ANKRD30B: variants seen among roughly 807,000 people sequenced by gnomAD.
The protein encoded by ANKRD30B is ankyrin repeat domain 30B, also known as ankyrin repeat domain-containing protein 30B.
ANKRD30B carries 144 observed loss-of-function variants against 202.2 expected under a neutral mutation model. The observed-to-expected ratio is 0.71, with a 90% CI of 0.62 to 0.82. The LOEUF is 0.82. ANKRD30B is among the 40% of genes least tolerant of loss of function. The pLI, the probability that ANKRD30B is intolerant of heterozygous loss-of-function variation, is 0.00. For synonymous variants in ANKRD30B, 508 were observed against 561.3 expected, an observed-to-expected ratio of 0.91 and a Z score of 1.34; for missense variants, 1,487 against 1,669.1, an observed-to-expected ratio of 0.89 and a Z score of 1.90.
chr18:14,878,245 G>T, the ANKRD30B span, among the ~76,000 whole-genome samples: 157 of 152,280 alleles, frequency 1.0e-3, no homozygotes, highest in African/African-American at 3.7e-3. Flanking sequence ...TGTGAAACAT[G>T]ACGTCCATAT....
At chr18:14,884,963 T>A in the ANKRD30B span, among the ~76,000 whole-genome samples, 1 of 152,046 alleles carries the variant, frequency 6.6e-6, no homozygotes, top group Non-Finnish European at 1.5e-5. Context: ...ACAACAATGC[T>A]CAAATAGTTA....
At chr18:14,862,438 A>C in the ANKRD30B span, among the ~76,000 whole-genome samples, 5 of 152,216 alleles carry the variant, frequency 3.3e-5, no homozygotes, top group Non-Finnish European at 7.3e-5. Flanking sequence ...CAAATGAGAC[A>C]TTGCAAAGGA....
the ANKRD30B span, among the ~76,000 whole-genome samples, chr18:14,920,663 C>A: frequency 6.6e-6 from 1 of 152,176 alleles, no homozygotes; most frequent in Non-Finnish European, 1.5e-5. Context: ...CAAGGTCCTG[C>A]CTGATCCTAA....
At chr18:14,919,961 T>C in the ANKRD30B span, among the ~76,000 whole-genome samples, 1 of 152,212 alleles carries the variant, frequency 6.6e-6, no homozygotes, top group Admixed American at 6.5e-5. Flanking sequence ...CCCAAGAGGC[T>C]GCTTTCCTGC....
rs562568733 is a variant in ANKRD30B, at chr18:14,788,615, A to C, written c.1734+1515A>C. 1.8e-3 allele frequency among the ~76,000 whole-genome samples: 276 copies of C among 152,032 alleles called. 1 individual carries two copies. Among genetic ancestry groups the C allele is most frequent in the Non-Finnish European group, 2.7e-3 (185 of 67,982 alleles). On this transcript the variant is annotated intron_variant, in intron 15 of 43. Coordinates refer to ENST00000690538, the MANE Select transcript of ANKRD30B (RefSeq NM_001367607.2). ...CATGTCCATGTGTTCTCATTGTTCAATTCCCACCTATGAGTGAGAATATGC... is the reference window on the plus strand; with the variant it reads ...CATGTCCATGTGTTCTCATTGTTCACTTCCCACCTATGAGTGAGAATATGC...
At chr18:14,851,164 C>A (rs1971866868) in intron 41 of ANKRD30B, among the ~76,000 whole-genome samples, 1 of 151,542 alleles carries the variant, frequency 6.6e-6, no homozygotes, top group African/African-American at 2.4e-5. Context: ...AGAGTGTAAA[C>A]CCAATTTTTG....
Position 14,796,364 on chromosome 18 carries a change from T to C in ANKRD30B, c.1876T>C (p.Ser626Pro), listed in dbSNP as rs1406434447. 3 of 1,576,338 alleles carry C rather than the reference T, an allele frequency of 1.9e-6. No homozygotes were observed. Among genetic ancestry groups the C allele is most frequent in the Non-Finnish European group, 1.7e-6 (2 of 1,159,498 alleles). The change falls in exon 18 of 44, where the codon TCT becomes CCT. Residue 626 changes from serine to proline, a missense_variant. Physicochemically the swap from Ser to Pro is moderately conservative, Grantham distance 74 (BLOSUM62 -1). Coordinates refer to ENST00000690538, the MANE Select transcript of ANKRD30B (RefSeq NM_001367607.2). ...LLKPTCGRKV[S>P]LPNKALELKD... Reference sequence around the variant, plus strand: ...TTAGCCTACCTGTGGAAGGAAAGTTTCTCTTCCAAATAAAGCCTTAGAATT... The same window carrying C: ...TTAGCCTACCTGTGGAAGGAAAGTTCCTCTTCCAAATAAAGCCTTAGAATT...
intron 9 of ANKRD30B, among the ~76,000 whole-genome samples, chr18:14,777,055 G>C (rs1212867823): frequency 6.6e-6 from 1 of 152,064 alleles, no homozygotes; most frequent in Non-Finnish European, 1.5e-5. Context: ...TATTATTTTT[G>C]GTGAGGACTA....
chr18:14,772,432 T>C (rs562308805), intron 9 of ANKRD30B, among the ~76,000 whole-genome samples: 26 of 152,094 alleles, frequency 1.7e-4, no homozygotes, highest in African/African-American at 6.0e-4. Flanking sequence ...GGTAAATACT[T>C]TGAGGGTGTG....
At chr18:14,901,161 T>A in the ANKRD30B span, among the ~76,000 whole-genome samples, 2 of 152,230 alleles carry the variant, frequency 1.3e-5, no homozygotes, top group African/African-American at 4.8e-5. Flanking sequence ...TCAAATTTCC[T>A]TGTCAATTGT....
intron 10 of ANKRD30B, among the ~76,000 whole-genome samples, chr18:14,778,397 GTAAAA>G (rs1267476577): frequency 1.3e-5 from 2 of 152,192 alleles, no homozygotes; most frequent in African/African-American, 4.8e-5. Flanking sequence ...ATAGAGGATG[GTAAAA>G]TAAAATAATT....
rs764701359 is a variant in ANKRD30B at position 14,769,332 on chromosome 18, T to C, written c.1226-11T>C. The C allele has an allele frequency of 1.3e-6, 2 of 1,534,212 alleles. No homozygotes were observed. Among genetic ancestry groups the C allele is most frequent in the East Asian group, 2.5e-5 (1 of 40,610 alleles). On this transcript the variant is annotated splice_polypyrimidine_tract_variant and intron_variant, in intron 7 of 43. Transcript: ENST00000690538. ...GTTAATTTAATGTATTTTACTTTTT[T>C]TCTTTAATAGTGGATGTGAGTTCTG...
At chr18:14,882,212 T>C in the ANKRD30B span, among the ~76,000 whole-genome samples, 3 of 152,198 alleles carry the variant, frequency 2.0e-5, no homozygotes, top group South Asian at 6.2e-4. Flanking sequence ...AGATTGTCTG[T>C]TTGTGCTCTT....
rs1440387029 is a variant in ANKRD30B at position 14,757,961 on chromosome 18, T to G, written c.755+9T>G. The G allele has an allele frequency of 4.4e-6, 7 of 1,576,646 alleles. No individual in the cohort carries two copies. In the South Asian group the frequency reaches 6.9e-5, roughly 16 times the overall value. ...GCTTGTGGAGTTAATTAGTAAGTGTTTACATTTAAAGGCTAGGTGAAATTT... is the reference window on the plus strand; with the variant it reads ...GCTTGTGGAGTTAATTAGTAAGTGTGTACATTTAAAGGCTAGGTGAAATTT... On this transcript the variant is annotated intron_variant, in intron 5 of 43. Transcript: ENST00000690538.
At chr18:14,785,997 C>T (rs1444903882) in intron 14 of ANKRD30B, among the ~76,000 whole-genome samples, 1 of 147,004 alleles carries the variant, frequency 6.8e-6, no homozygotes, top group Non-Finnish European at 1.5e-5. Flanking sequence ...GAGATTGCGC[C>T]ACTGCAGTCT....
chr18:14,769,104 T>A (rs1475624790), intron 7 of ANKRD30B, among the ~76,000 whole-genome samples: 3 of 152,202 alleles, frequency 2.0e-5, no homozygotes, highest in Admixed American at 2.0e-4. Flanking sequence ...TATGCTTTTT[T>A]AAACAAGATC....
intron 39 of ANKRD30B, among the ~76,000 whole-genome samples, chr18:14,843,848 T>C (rs1283587029): frequency 6.6e-6 from 1 of 152,134 alleles, no homozygotes; most frequent in Non-Finnish European, 1.5e-5. Flanking sequence ...GAAGTAATCA[T>C]TTCTTTATGA....
At chr18:14,855,901 G>T (rs1357038584), downstream of ANKRD30B, among the ~76,000 whole-genome samples, 2 of 145,830 alleles carry the variant, frequency 1.4e-5, no homozygotes, top group African/African-American at 2.6e-5. Flanking sequence ...CGGGGCGGCT[G>T]GGCAGAGGCG....
At chr18:14,805,811 A>T (rs535239599) in intron 24 of ANKRD30B, among the ~76,000 whole-genome samples, 2 of 150,092 alleles carry the variant, frequency 1.3e-5, no homozygotes, top group East Asian at 3.9e-4. Context: ...CTCAGCGTAT[A>T]CATATTGGCA....
Sources: allele counts gnomAD v4.1 joint callset (sites outside exome capture counted in the v4.1 genomes callset), GRCh38; gene constraint gnomAD v4.1.1; transcripts MANE v1.5; gene names NCBI Gene and HGNC (gene_info 2026-07-23, HGNC 2026-07-21).